Variants in RHOQ observed in about 807,000 individuals in gnomAD.
RHOQ encodes the protein ras homolog family member Q, also known as rho-related GTP-binding protein RhoQ.
Under a neutral mutation model 25.8 loss-of-function variants are expected in RHOQ, and 7 were observed. That is an observed-to-expected ratio of 0.27 (90% CI 0.15 to 0.51). The LOEUF (loss-of-function observed/expected upper bound fraction) is 0.51. Among genes scored for constraint, RHOQ ranks in the 20% least tolerant of loss-of-function variants. RHOQ has a pLI of 0.97. For missense variants in RHOQ, 165 were observed against 260.6 expected (o/e 0.63, Z 2.53); for synonymous variants, 97 against 98.6 (o/e 0.98, Z 0.10).
At chr2:46,546,475 TGTATA>T (rs1668058084) in intron 2 of RHOQ, among the ~76,000 whole-genome samples, 1 of 6,788 alleles carries the variant, frequency 1.5e-4, no homozygotes. Context: ...TATATATATG[TGTATA>T]TATATATATA....
At position 46,576,093 on chromosome 2, in the gene RHOQ, T is replaced by C; in HGVS notation, c.208T>C (p.Tyr70His). ...GCTTTTCTTTGTTCCTCAGGAAGAC[T>C]ATGACCGTCTGAGGCCTTTATCTTA... ...GLYDTAGQED[Y>H]DRLRPLSYPM... Residue 70 changes from tyrosine to histidine, a missense_variant, in exon 3 of 5, where the codon TAT becomes CAT. Coordinates refer to ENST00000238738, the MANE Select transcript of RHOQ (RefSeq NM_012249.4). This position sits in a 1 kb window ranked among gnomAD's most constrained non-coding sequence, Gnocchi z 5.1. The C allele has an allele frequency of 6.2e-7, 1 of 1,602,282 alleles. No individual in the cohort carries two copies. The highest frequency in any genetic ancestry group is 8.5e-7 in the Non-Finnish European group (1 of 1,176,136).
chr2:46,554,473 C>G lies in RHOQ; in HGVS notation c.201+10661C>G, dbSNP rs917505831. On this transcript the variant is annotated intron_variant, in intron 2 of 4. Coordinates refer to ENST00000238738, the MANE Select transcript of RHOQ (RefSeq NM_012249.4). ...TTAAGGGGCTCGATAGACAGGACGCCTGGACAGGGCTCTGTTCATTGTGGC... is the reference window on the plus strand; with the variant it reads ...TTAAGGGGCTCGATAGACAGGACGCGTGGACAGGGCTCTGTTCATTGTGGC... Among the ~76,000 whole-genome samples the G allele has an allele frequency of 1.6e-4, 24 of 152,304 alleles. No homozygotes were observed. In the East Asian group the frequency reaches 4.6e-3, roughly 29 times the overall value.
intron 2 of RHOQ, among the ~76,000 whole-genome samples, chr2:46,567,841 G>T (rs1164128168): frequency 2.0e-5 from 3 of 152,044 alleles, no homozygotes; most frequent in African/African-American, 4.8e-5. Context: ...ATAATTGCTT[G>T]AGCCCAGGAG....
rs1558680315 is a variant in RHOQ at position 46,546,468 on chromosome 2, A to ATG, written c.201+2657_201+2658insGT. On this transcript the variant is annotated intron_variant, in intron 2 of 4. Transcript: ENST00000238738. ...CACATATACATATATATATATATAT[A>ATG]TATATGTGTATATATATATATATAT... Among the ~76,000 whole-genome samples, 23 of 6,572 alleles carry ATG rather than the reference A, an allele frequency of 3.5e-3. No individual in the cohort carries two copies. The East Asian group carries it at 0.037, about 11-fold the overall frequency. 4.3% of individuals were successfully genotyped at this position (6,572 alleles called of 152,430 possible). A position where few individuals can be genotyped will look rare whatever the true frequency, so the allele number is the denominator to read the frequency against.
chr2:46,580,894 C>T (rs2104044175), intron 4 of RHOQ, 34 bp from the exon 5 acceptor site: 1 of 1,424,760 alleles, frequency 7.0e-7, no homozygotes, highest in Non-Finnish European at 9.3e-7. Context: ...TAAACATGAT[C>T]TTATATATTT....
intron 2 of RHOQ, among the ~76,000 whole-genome samples, chr2:46,560,083 G>C (rs1668527804): frequency 6.6e-6 from 1 of 152,172 alleles, no homozygotes; most frequent in Non-Finnish European, 1.5e-5. Context: ...CCACCCTCTT[G>C]CTTGTGGCTC....
Position 46,553,957 on chromosome 2 carries a change from C to G in RHOQ, c.201+10145C>G, listed in dbSNP as rs923104010. Among the ~76,000 whole-genome samples, 15 of 152,266 alleles carry G rather than the reference C, an allele frequency of 9.9e-5. No homozygotes were observed. In the East Asian group the frequency reaches 1.4e-3, roughly 14 times the overall value. The stretch of plus-strand genomic sequence containing the variant: ...ACACATCCCAGCCTCTGGTACCCAT[C>G]CTTCTACTCCCTATGTCCATGAGTT... On this transcript the variant is annotated intron_variant, in intron 2 of 4. Coordinates refer to ENST00000238738, the MANE Select transcript of RHOQ (RefSeq NM_012249.4).
chr2:46,563,218 G>A (rs1355138326), intron 2 of RHOQ, among the ~76,000 whole-genome samples: 3 of 152,158 alleles, frequency 2.0e-5, no homozygotes, highest in Non-Finnish European at 1.5e-5. Flanking sequence ...TCCTACACTC[G>A]TGGTTAGGAG....
At chr2:46,554,455 G>T (rs958381566) in intron 2 of RHOQ, among the ~76,000 whole-genome samples, 2 of 152,202 alleles carry the variant, frequency 1.3e-5, no homozygotes, top group African/African-American at 2.4e-5. Flanking sequence ...ATATTAAGGG[G>T]CTCGATAGAC....
chr2:46,557,937 T>G (rs935223943), intron 2 of RHOQ, among the ~76,000 whole-genome samples: 3 of 152,222 alleles, frequency 2.0e-5, no homozygotes, highest in African/African-American at 7.2e-5. Context: ...TGTTTATATT[T>G]TTATGACTAT....
chr2:46,543,497 A>G (rs1667915693), intron 1 of RHOQ: 2 of 598,852 alleles, frequency 3.3e-6, no homozygotes, highest in Non-Finnish European at 5.9e-6. Context: ...CCCCGGGGGA[A>G]ATATTCGAGG....
Position 46,552,559 on chromosome 2 carries a change from G to A in RHOQ, c.201+8747G>A, listed in dbSNP as rs375637043. On this transcript the variant is annotated intron_variant, in intron 2 of 4. Coordinates refer to ENST00000238738, the MANE Select transcript of RHOQ (RefSeq NM_012249.4). This position sits in a 1 kb window ranked among gnomAD's most constrained non-coding sequence, Gnocchi z 5.0. ...CATCTGAATATTCTCTAAATATGGC[G>A]CAAAACTTCCTCTGCCACCTGCTGC... 3.9e-5 allele frequency among the ~76,000 whole-genome samples: 6 copies of A among 152,196 alleles called. No homozygotes were observed. The East Asian group carries it at 7.7e-4, about 20-fold the overall frequency.
chr2:46,571,030 T>C (rs929434971), intron 2 of RHOQ, among the ~76,000 whole-genome samples: 2 of 152,222 alleles, frequency 1.3e-5, no homozygotes, highest in African/African-American at 4.8e-5. Flanking sequence ...ACAGAGAAAC[T>C]AAGGCCCTAA....
Position 46,570,446 on chromosome 2 carries a change from A to AT in RHOQ, c.202-5640dup, listed in dbSNP as rs1449168161. Among the ~76,000 whole-genome samples, 211 of 151,868 alleles carry AT rather than the reference A, an allele frequency of 1.4e-3. 1 individual carries two copies. The highest frequency in any genetic ancestry group is 4.8e-3 in the African/African-American group (199 of 41,472). ...TAAGAGTGAGACTTCATCTCAAAAA[A>AT]TAAAAAAAAAAAAAGAAATGAGGTT... On this transcript the variant is annotated intron_variant, in intron 2 of 4. Transcript: ENST00000238738.
At chr2:46,558,161 C>T (rs1409634250) in intron 2 of RHOQ, among the ~76,000 whole-genome samples, 1 of 152,208 alleles carries the variant, frequency 6.6e-6, no homozygotes, top group Non-Finnish European at 1.5e-5. Context: ...ACCTTCTAAC[C>T]TGCTGTAGCT....
In RHOQ at chr2:46,552,467, C is replaced by G. The variant is rs538684610; in HGVS notation, c.201+8655C>G. ...CCATGGGGGCTACCTCAGGCCTTTC[C>G]TTTCTCCCTTCAAGGATTTTCTTAT... On this transcript the variant is annotated intron_variant, in intron 2 of 4. Coordinates refer to ENST00000238738, the MANE Select transcript of RHOQ (RefSeq NM_012249.4). This position sits in a 1 kb window ranked among gnomAD's most constrained non-coding sequence, Gnocchi z 5.0. Among the ~76,000 whole-genome samples the G allele has an allele frequency of 3.2e-4, 49 of 152,348 alleles. No individual in the cohort carries two copies. The highest frequency in any genetic ancestry group is 1.1e-3 in the African/African-American group (45 of 41,580).
At chr2:46,553,917 G>A (rs1478619613) in intron 2 of RHOQ, among the ~76,000 whole-genome samples, 3 of 151,716 alleles carry the variant, frequency 2.0e-5, no homozygotes, top group African/African-American at 7.3e-5. Flanking sequence ...CCTACCTCCC[G>A]CCAAACCCCC....
At position 46,582,752 on chromosome 2, in the gene RHOQ, C is replaced by T. The variant is rs1669441797; in HGVS notation, c.*1669C>T. 6.6e-6 allele frequency: 1 copy of T among 152,532 alleles called. No homozygotes were observed. The highest frequency in any genetic ancestry group is 2.1e-4 in the South Asian group (1 of 4,828). The allele number at this position is 152,532 out of a possible 1,614,324, so 9.4% of individuals were successfully genotyped here. On this transcript the variant is annotated 3_prime_UTR_variant, in exon 5 of 5. Coordinates refer to ENST00000238738, the MANE Select transcript of RHOQ (RefSeq NM_012249.4). Reference sequence around the variant, plus strand: ...CTTGAAAATGACAGCCTTAAATGCTCATATCAGTCACAAATCTAGGATGTA... The same window carrying T: ...CTTGAAAATGACAGCCTTAAATGCTTATATCAGTCACAAATCTAGGATGTA...
chr2:46,543,645 C>T (rs977553843), intron 1 of RHOQ, 109 bp from the exon 2 acceptor site: 6 of 927,820 alleles, frequency 6.5e-6, no homozygotes, highest in Non-Finnish European at 8.5e-6. Flanking sequence ...GGGAGCGCCC[C>T]CACGCCTCTA....
Sources: allele counts gnomAD v4.1 joint callset (sites outside exome capture counted in the v4.1 genomes callset), GRCh38; gene constraint gnomAD v4.1.1; non-coding constraint Gnocchi (gnomAD v3.1); transcripts MANE v1.5; gene names NCBI Gene and HGNC (gene_info 2026-07-23, HGNC 2026-07-21).